DAPK1: variants seen among roughly 807,000 people sequenced by gnomAD.
The protein encoded by DAPK1 is death associated protein kinase 1, also known as death-associated protein kinase 1.
DAPK1 carries 56 observed loss-of-function variants against 144.9 expected under a neutral mutation model. That is an observed-to-expected ratio of 0.39 (90% confidence interval 0.31 to 0.48). The LOEUF (loss-of-function observed/expected upper bound fraction) is 0.48. Among genes scored for constraint, DAPK1 ranks in the 20% least tolerant of loss-of-function variants. DAPK1 has a pLI of 0.95. For missense variants in DAPK1, 1,454 were observed against 1,875.4 expected (o/e 0.78, Z 4.15); for synonymous variants, 690 against 749.0 (o/e 0.92, Z 1.29).
chr9:87,696,888 C>T, intron 21 of DAPK1, 119 bp from the exon 22 acceptor site: 1 of 736,294 alleles, frequency 1.4e-6, no homozygotes, highest in Admixed American at 1.8e-5. Flanking sequence ...TATACACATA[C>T]AGAAGAATGC....
At chr9:87,614,907 C>T (rs1206222993) in intron 3 of DAPK1, among the ~76,000 whole-genome samples, 1 of 152,328 alleles carries the variant, frequency 6.6e-6, no homozygotes, top group East Asian at 1.9e-4. Context: ...ACGGAGTCCA[C>T]ATCCAGGTCT....
intron 2 of DAPK1, among the ~76,000 whole-genome samples, chr9:87,539,455 A>G (rs1247966002): frequency 6.0e-5 from 8 of 132,512 alleles, no homozygotes; most frequent in African/African-American, 2.0e-4. Context: ...TTTGAGACAG[A>G]GTCTCGCTCT....
chr9:87,643,518 A>T (rs1305866149), intron 11 of DAPK1, 50 bp downstream of exon 11: 2 of 1,157,322 alleles, frequency 1.7e-6, no homozygotes, highest in Non-Finnish European at 2.6e-6. Flanking sequence ...CTGGGTACTC[A>T]GAATGACCAA....
chr9:87,669,764 A>AAG (rs1831190970), intron 19 of DAPK1, among the ~76,000 whole-genome samples: 1 of 151,072 alleles, frequency 6.6e-6, no homozygotes, highest in South Asian at 2.1e-4. Context: ...TGCCAGGGGC[A>AAG]GGGGGGGGCC....
Position 87,707,466 on chromosome 9 carries a change from A to T in DAPK1, c.*102A>T, listed in dbSNP as rs1587860759. 5 of 771,242 alleles carry T rather than the reference A, an allele frequency of 6.5e-6. No homozygotes were observed. In the Admixed American group the frequency reaches 1.4e-4, roughly 21 times the overall value. 47.8% of individuals were successfully genotyped at this position (771,242 alleles called of 1,614,324 possible). ...AGATGCTGAGGGTGTTTCTTCCTGC[A>T]CCCACAGCCAGGGGGATGCCACTCC... On this transcript the variant is annotated 3_prime_UTR_variant, in exon 26 of 26. Transcript: ENST00000408954. The surrounding 1 kb of genome is among the most constrained non-coding windows in gnomAD (Gnocchi z 4.0).
intron 2 of DAPK1, among the ~76,000 whole-genome samples, chr9:87,577,327 G>T (rs921470254): frequency 1.3e-5 from 2 of 152,206 alleles, no homozygotes; most frequent in Non-Finnish European, 2.9e-5. Flanking sequence ...GACTTCAGGT[G>T]ATTTGAATGA....
intron 19 of DAPK1, among the ~76,000 whole-genome samples, chr9:87,669,284 T>C (rs1831170170): frequency 6.6e-6 from 1 of 150,772 alleles, no homozygotes; most frequent in South Asian, 2.1e-4. Context: ...TAGAATAGAA[T>C]GGCTTTGGCC....
At chr9:87,609,379 A>G (rs1828846756) in intron 3 of DAPK1, among the ~76,000 whole-genome samples, 1 of 152,240 alleles carries the variant, frequency 6.6e-6, no homozygotes, top group Admixed American at 6.5e-5. Flanking sequence ...GAGAACCCTG[A>G]TAATACAGTG....
Position 87,706,544 on chromosome 9 carries a change from A to G in DAPK1, c.3473A>G (p.Gln1158Arg). Residue 1158 changes from glutamine to arginine, a missense_variant, in exon 26 of 26, where the codon CAG (glutamine) becomes CGG (arginine). By Grantham distance (43) the Gln-to-Arg change is conservative. Transcript: ENST00000408954. The surrounding 1 kb of genome is among the most constrained non-coding windows in gnomAD (Gnocchi z 9.0). ...VQVNLCRWIH[Q>R]QSTEGDADIR... ...GTGAACCTGTGCCGGTGGATCCACCAGCAAAGCACAGAGGGCGACGCGGAC... is the reference window on the plus strand; with the variant it reads ...GTGAACCTGTGCCGGTGGATCCACCGGCAAAGCACAGAGGGCGACGCGGAC... 6.2e-7 allele frequency: 1 copy of G among 1,613,432 alleles called. No individual in the cohort carries two copies. The highest frequency in any genetic ancestry group is 8.5e-7 in the Non-Finnish European group (1 of 1,179,304).
At chr9:87,580,191 C>T (rs146798893) in intron 2 of DAPK1, among the ~76,000 whole-genome samples, 16 of 152,252 alleles carry the variant, frequency 1.1e-4, no homozygotes, top group Non-Finnish European at 7.4e-5. Flanking sequence ...GAGAACTTCA[C>T]GGTCATTGAT....
chr9:87,698,318 T>A (rs569877950), intron 22 of DAPK1: 1 of 209,726 alleles, frequency 4.8e-6, no homozygotes, highest in African/African-American at 2.3e-5. Context: ...CTCTCTTTGG[T>A]CTTGTAAGCG....
chr9:87,520,504 G>A (rs1360104299), intron 2 of DAPK1, among the ~76,000 whole-genome samples: 1 of 152,204 alleles, frequency 6.6e-6, no homozygotes, highest in Non-Finnish European at 1.5e-5. Context: ...GTTGAAGACA[G>A]GAAGACAGGT....
At position 87,686,809 on chromosome 9, in the gene DAPK1, G is replaced by A. The variant is rs902673197; in HGVS notation, c.2413+70G>A. 13 of 1,411,282 alleles carry A rather than the reference G, an allele frequency of 9.2e-6. No individual in the cohort carries two copies. In the African/African-American group the frequency reaches 1.7e-4, roughly 18 times the overall value. 87.4% of individuals were successfully genotyped at this position (1,411,282 alleles called of 1,614,324 possible). On this transcript the variant is annotated intron_variant, in intron 21 of 25. Coordinates refer to ENST00000408954, the MANE Select transcript of DAPK1 (RefSeq NM_004938.4). The surrounding 1 kb of genome is among the most constrained non-coding windows in gnomAD (Gnocchi z 4.2). The stretch of plus-strand genomic sequence containing the variant: ...AACAGGGTTGTAAGTCATCCCTAAA[G>A]GGAGCTTGTCCTGAGCTGTATCTGT...
chr9:87,601,074 C>G (rs576228474), intron 2 of DAPK1, among the ~76,000 whole-genome samples: 87 of 152,298 alleles, frequency 5.7e-4, no homozygotes, highest in African/African-American at 1.9e-3. Context: ...AACTGTCCCC[C>G]CAAAGGAGTC....
chr9:87,574,932 A>G (rs1185562138), intron 2 of DAPK1, among the ~76,000 whole-genome samples: 1 of 151,234 alleles, frequency 6.6e-6, no homozygotes, highest in Non-Finnish European at 1.5e-5. Context: ...AAAAAATAAA[A>G]CAAGGCCGGG....
intron 3 of DAPK1, among the ~76,000 whole-genome samples, chr9:87,613,106 T>C (rs934041918): frequency 6.6e-6 from 1 of 152,186 alleles, no homozygotes; most frequent in Admixed American, 6.5e-5. Flanking sequence ...GACAGGAAAT[T>C]CCATTTAATT....
intron 2 of DAPK1, among the ~76,000 whole-genome samples, chr9:87,564,423 C>A (rs746567027): frequency 3.3e-5 from 5 of 152,186 alleles, no homozygotes; most frequent in Non-Finnish European, 7.3e-5. Flanking sequence ...CCACTTTTTC[C>A]TGCTCTAACA....
intron 20 of DAPK1, among the ~76,000 whole-genome samples, chr9:87,685,666 G>A (rs560506077): frequency 1.3e-5 from 2 of 152,156 alleles, no homozygotes; most frequent in Non-Finnish European, 2.9e-5. Flanking sequence ...ATGCCTAAAC[G>A]CAGGGGACCC....
At chr9:87,559,993 C>G (rs1396993479) in intron 2 of DAPK1, among the ~76,000 whole-genome samples, 1 of 142,572 alleles carries the variant, frequency 7.0e-6, no homozygotes, top group Admixed American at 7.1e-5. Context: ...GAATCTTTTT[C>G]TTTCCTTTTT....
Sources: allele counts gnomAD v4.1 joint callset (sites outside exome capture counted in the v4.1 genomes callset), GRCh38; gene constraint gnomAD v4.1.1; non-coding constraint Gnocchi (gnomAD v3.1); transcripts MANE v1.5; gene names NCBI Gene and HGNC (gene_info 2026-07-23, HGNC 2026-07-21).